Variants in DACH1 observed in about 807,000 individuals in gnomAD.
DACH1 encodes dachshund family transcription factor 1.
In DACH1, 12 loss-of-function variants were observed where a neutral mutation model predicts 54.2. The observed-to-expected ratio is 0.22, with a 90% CI of 0.14 to 0.36. DACH1 has a LOEUF of 0.36. Among genes scored for constraint, DACH1 ranks in the 10% least tolerant of loss-of-function variants. The pLI, the probability that DACH1 is intolerant of heterozygous loss-of-function variation, is 1.00. For synonymous variants in DACH1, 386 were observed against 366.2 expected (o/e 1.05, Z -0.62); for missense variants, 805 against 929.8 (o/e 0.87, Z 1.75).
chr13:71,701,833 T>C (rs2138751996), intron 1 of DACH1, among the ~76,000 whole-genome samples: 1 of 152,242 alleles, frequency 6.6e-6, no homozygotes, highest in Non-Finnish European at 1.5e-5. Context: ...TTCCGTACTG[T>C]TTTACAGTGT....
intron 1 of DACH1, among the ~76,000 whole-genome samples, chr13:71,799,170 A>G (rs530822821): frequency 6.6e-6 from 1 of 152,292 alleles, no homozygotes; most frequent in East Asian, 1.9e-4. Flanking sequence ...ATACAGGCCC[A>G]GAAGTGTTTA....
chr13:71,836,870 C>T (rs1475916870), intron 1 of DACH1, among the ~76,000 whole-genome samples: 3 of 152,018 alleles, frequency 2.0e-5, no homozygotes, highest in Admixed American at 2.0e-4. Context: ...CACCCCTAAC[C>T]ATGAGTGCTA....
chr13:71,617,083 G>A (rs887227521), intron 3 of DACH1, among the ~76,000 whole-genome samples: 3 of 152,012 alleles, frequency 2.0e-5, no homozygotes, highest in Non-Finnish European at 4.4e-5. Flanking sequence ...TGGCCAGGCT[G>A]ATCTCGAACT....
intron 1 of DACH1, chr13:71,704,341 G>T (rs1364653051): frequency 2.4e-6 from 1 of 423,808 alleles, no homozygotes; most frequent in African/African-American, 2.1e-5. Flanking sequence ...TGCTCCACAG[G>T]TGTTACCATG....
intron 3 of DACH1, among the ~76,000 whole-genome samples, chr13:71,603,778 A>C (rs566102883): frequency 6.6e-6 from 1 of 152,116 alleles, no homozygotes; most frequent in African/African-American, 2.4e-5. Flanking sequence ...ACATTACATT[A>C]GTTGAAAATT....
intron 2 of DACH1, among the ~76,000 whole-genome samples, chr13:71,674,015 T>C (rs1185011913): frequency 1.3e-5 from 2 of 152,200 alleles, no homozygotes. Flanking sequence ...CACCAGTGTT[T>C]AAATTTGTAA....
At chr13:71,573,179 G>C (rs1273281405) in intron 3 of DACH1, among the ~76,000 whole-genome samples, 167 bp from the exon 4 acceptor site, 1 of 152,060 alleles carries the variant, frequency 6.6e-6, no homozygotes, top group African/African-American at 2.4e-5. Context: ...CAGCTATCTG[G>C]TTTGGTGCCC....
chr13:71,675,037 G>T (rs559276904), intron 2 of DACH1: 19 of 848,162 alleles, frequency 2.2e-5, no homozygotes, highest in Admixed American at 1.6e-4. Flanking sequence ...CGAAGAGAAG[G>T]GGGGTAAGTA....
intron 1 of DACH1, among the ~76,000 whole-genome samples, chr13:71,731,609 T>C (rs1883751771): frequency 6.6e-6 from 1 of 152,072 alleles, no homozygotes; most frequent in African/African-American, 2.4e-5. Flanking sequence ...TTAGAAATGG[T>C]GTTATGGAAT....
At chr13:71,559,482 A>G (rs1319454129) in intron 5 of DACH1, among the ~76,000 whole-genome samples, 1 of 152,214 alleles carries the variant, frequency 6.6e-6, no homozygotes, top group East Asian at 1.9e-4. Flanking sequence ...ATGATGTTGA[A>G]TAATCCATAA....
At chr13:71,694,295 C>T (rs1881701398) in intron 1 of DACH1, among the ~76,000 whole-genome samples, 1 of 152,102 alleles carries the variant, frequency 6.6e-6, no homozygotes, top group Non-Finnish European at 1.5e-5. Context: ...AGCACAAATT[C>T]AGACACCAAC....
At chr13:71,532,206 C>T (rs1455200706) in intron 6 of DACH1, among the ~76,000 whole-genome samples, 1 of 151,794 alleles carries the variant, frequency 6.6e-6, no homozygotes, top group African/African-American at 2.4e-5. Context: ...GGCAATAGTT[C>T]TTTGGGGTTT....
At chr13:71,526,740 A>T (rs919767324) in intron 6 of DACH1, among the ~76,000 whole-genome samples, 50 of 150,796 alleles carry the variant, frequency 3.3e-4, no homozygotes, top group African/African-American at 1.2e-3. Flanking sequence ...ATATATATGT[A>T]TGTATAATAA....
In DACH1 at chr13:71,461,235, G is replaced by A. The variant is rs1302824482; in HGVS notation, c.2083+13906C>T. Among the ~76,000 whole-genome samples, 4 of 151,922 alleles carry A rather than the reference G, an allele frequency of 2.6e-5. No homozygotes were observed. In the East Asian group the frequency reaches 7.7e-4, roughly 29 times the overall value. ...TAACACAATGGTGTTAATCTGAATGGCATAAATGTAAAAGAAGATGTAGGA... is the reference window on the plus strand; with the variant it reads ...TAACACAATGGTGTTAATCTGAATGACATAAATGTAAAAGAAGATGTAGGA... On this transcript the variant is annotated intron_variant, in intron 10 of 10. Coordinates refer to ENST00000613252, the MANE Select transcript of DACH1 (RefSeq NM_080759.6).
chr13:71,833,498 G>A (rs1888669313), intron 1 of DACH1, among the ~76,000 whole-genome samples: 1 of 151,896 alleles, frequency 6.6e-6, no homozygotes, highest in African/African-American at 2.4e-5. Context: ...TAAACATATT[G>A]TGTAGCATCA....
intron 7 of DACH1, among the ~76,000 whole-genome samples, chr13:71,483,123 A>C (rs1878192129): frequency 6.6e-6 from 1 of 151,916 alleles, no homozygotes; most frequent in South Asian, 2.1e-4. Flanking sequence ...TTTTCAGAGA[A>C]GCTTTTGTAA....
intron 1 of DACH1, 27 bp from the exon 2 acceptor site, chr13:71,681,937 A>T: frequency 7.0e-7 from 1 of 1,427,972 alleles, no homozygotes; most frequent in Non-Finnish European, 9.8e-7. Context: ...AAAAATTTTT[A>T]CAATTAAGCT....
chr13:71,573,531 G>A, intron 3 of DACH1: 1 of 668,220 alleles, frequency 1.5e-6, no homozygotes, highest in East Asian at 2.8e-5. Context: ...CTGGGATGGG[G>A]AAGAGGGCAG....
At position 71,866,566 on chromosome 13, in the gene DACH1, GGCCGCCGCC is replaced by G; in HGVS notation, c.195_203del (p.Ala66_Ala68del). ...CGCCGCCGCCGGTAGAGGTGACTGT[GGCCGCCGCC>G]GCCGCCGCCGAAGCGATGGGCTCCG... On this transcript the variant is annotated inframe_deletion, in exon 1 of 11. Coordinates refer to ENST00000613252, the MANE Select transcript of DACH1 (RefSeq NM_080759.6). The G allele has an allele frequency of 1.6e-6, 2 of 1,256,294 alleles. No individual in the cohort carries two copies. The highest frequency in any genetic ancestry group is 1.6e-5 in the African/African-American group (1 of 63,780). 77.8% of individuals were successfully genotyped at this position (1,256,294 alleles called of 1,614,324 possible). A position where few individuals can be genotyped will look rare whatever the true frequency, so the allele number is the denominator to read the frequency against.
Sources: allele counts gnomAD v4.1 joint callset (sites outside exome capture counted in the v4.1 genomes callset), GRCh38; gene constraint gnomAD v4.1.1; transcripts MANE v1.5; gene names NCBI Gene and HGNC (gene_info 2026-07-23, HGNC 2026-07-21).